Variants in GUCY2F observed in about 807,000 individuals in gnomAD.
The protein encoded by GUCY2F is retinal guanylyl cyclase 2.
GUCY2F carries 61 observed loss-of-function variants against 73.1 expected under a neutral mutation model. The ratio of observed to expected loss-of-function variants is 0.83; its 90% CI spans 0.68 to 1.03. The LOEUF (loss-of-function observed/expected upper bound fraction) is 1.03. Among genes scored for constraint, GUCY2F ranks in the 50% least tolerant of loss-of-function variants. The pLI is 0.00. For missense variants in GUCY2F, 912 were observed against 854.3 expected (o/e 1.07, Z -0.84); for synonymous variants, 331 against 307.8 (o/e 1.08, Z -0.79).
chrX:109,385,342 G>A, intron 15 of GUCY2F, 60 bp from the exon 16 acceptor site: 3 of 566,783 alleles, frequency 5.3e-6, no homozygotes, highest in Non-Finnish European at 5.9e-6. Context: ...TGCTAATAGA[G>A]GAATAGTGCA....
Position 109,440,560 on chromosome X carries a change from T to C in GUCY2F, c.1701+791A>G, listed in dbSNP as rs779206141. 4.0e-4 allele frequency among the ~76,000 whole-genome samples: 45 copies of C among 112,374 alleles called. 1 individual carries two copies. The highest frequency in any genetic ancestry group is 1.3e-3 in the African/African-American group (40 of 30,974). On this transcript the variant is annotated intron_variant, in intron 7 of 19. Coordinates refer to ENST00000218006, the MANE Select transcript of GUCY2F (RefSeq NM_001522.3). Reference sequence around the variant, plus strand: ...TTTTGGACTTTCTTTGTAGTTACTGTTAAGTTGAGAGTGTTTGCTGCTCTT... The same window carrying C: ...TTTTGGACTTTCTTTGTAGTTACTGCTAAGTTGAGAGTGTTTGCTGCTCTT...
chrX:109,470,986 T>C (rs1247971922), intron 2 of GUCY2F, among the ~76,000 whole-genome samples: 1 of 112,240 alleles, frequency 8.9e-6, no homozygotes, highest in Non-Finnish European at 1.9e-5. Context: ...ACAAAGCCCT[T>C]GAAAAATTAC....
At chrX:109,439,529 G>A (rs999880318) in intron 7 of GUCY2F, among the ~76,000 whole-genome samples, 2 of 107,446 alleles carry the variant, frequency 1.9e-5, no homozygotes, top group Non-Finnish European at 1.9e-5. Context: ...TGTATGTTCC[G>A]ATTCCCTTGT....
At chrX:109,481,515 C>T (rs1182582430) in intron 1 of GUCY2F, among the ~76,000 whole-genome samples, 1 of 111,920 alleles carries the variant, frequency 8.9e-6, no homozygotes, top group East Asian at 2.8e-4. Context: ...CTCATACCAG[C>T]TTGTCAAGCC....
rs187724198 is a variant in GUCY2F, at chrX:109,399,323, G to A, written c.2126-625C>T. 5.9e-4 allele frequency among the ~76,000 whole-genome samples: 66 copies of A among 112,486 alleles called. No individual in the cohort carries two copies. The East Asian group carries it at 0.016, about 28-fold the overall frequency. On this transcript the variant is annotated intron_variant, in intron 10 of 19. Coordinates refer to ENST00000218006, the MANE Select transcript of GUCY2F (RefSeq NM_001522.3). ...ACTTGAGGAGTTCACAGACCAGTCG[G>A]AAACACAGACATATGCACCCCTAAC... is the stretch of plus-strand genomic sequence containing the variant.
At position 109,376,150 on chromosome X, in the gene GUCY2F, T is replaced by G; in HGVS notation, c.3168A>C (p.Glu1056Asp). The G allele has an allele frequency of 8.4e-7, 1 of 1,190,374 alleles. No individual in the cohort carries two copies. Among genetic ancestry groups the G allele is most frequent in the Non-Finnish European group, 1.1e-6 (1 of 875,975 alleles). The change falls in exon 18 of 20, where the codon GAA (glutamate) becomes GAC (aspartate). Residue 1056 changes from glutamate to aspartate, a missense_variant. Physicochemically the swap from Glu to Asp is conservative, Grantham distance 45. Coordinates refer to ENST00000218006, the MANE Select transcript of GUCY2F (RefSeq NM_001522.3). ...RTELKGKGTE[E>D]TFWLIGKKGF... ...CTTTTTTCCCAATCAGCCAGAAGGTTTCCTCTGTGCCTTTGCCCTTATTAT... is the reference window on the plus strand; with the variant it reads ...CTTTTTTCCCAATCAGCCAGAAGGTGTCCTCTGTGCCTTTGCCCTTATTAT...
intron 17 of GUCY2F, among the ~76,000 whole-genome samples, chrX:109,378,104 A>G (rs1930218742): frequency 8.9e-6 from 1 of 111,913 alleles, no homozygotes. Flanking sequence ...GATCCCCCAT[A>G]TAAGAGCATC....
At chrX:109,474,354 T>TA (rs781318064) in intron 2 of GUCY2F, among the ~76,000 whole-genome samples, 113 of 111,268 alleles carry the variant, frequency 1.0e-3, no homozygotes, top group South Asian at 1.9e-3. Context: ...AAATGGAGGT[T>TA]AAAAAATTGG....
intron 10 of GUCY2F, among the ~76,000 whole-genome samples, chrX:109,399,884 T>C (rs1162111507): frequency 9.5e-6 from 1 of 105,064 alleles, no homozygotes; most frequent in Non-Finnish European, 1.9e-5. Context: ...GGATGCCGGG[T>C]GGTGGTAAGC....
chrX:109,380,146 A>G (rs1930268144), intron 17 of GUCY2F, among the ~76,000 whole-genome samples: 1 of 112,270 alleles, frequency 8.9e-6, no homozygotes, highest in Admixed American at 9.4e-5. Context: ...TTCAAACATC[A>G]GTCAGCTGGA....
At chrX:109,409,253 C>A in intron 8 of GUCY2F, 85 bp from the exon 9 acceptor site, 1 of 497,575 alleles carries the variant, frequency 2.0e-6, no homozygotes, top group Non-Finnish European at 3.5e-6. Context: ...CTTCTCTTGA[C>A]CCTTCTTATG....
chrX:109,457,841 A>C (rs1932289643), intron 3 of GUCY2F, among the ~76,000 whole-genome samples: 1 of 111,999 alleles, frequency 8.9e-6, no homozygotes, highest in African/African-American at 3.2e-5. Context: ...ATAACTGTAC[A>C]TTTGGAAAAA....
chrX:109,399,411 G>C (rs1930786943), intron 10 of GUCY2F, among the ~76,000 whole-genome samples: 1 of 112,307 alleles, frequency 8.9e-6, no homozygotes, highest in Admixed American at 9.4e-5. Context: ...ATCCATTAAA[G>C]GTCAAAGTTA....
chrX:109,476,020 G>T lies in GUCY2F; in HGVS notation c.-84C>A. On this transcript the variant is annotated splice_region_variant and 5_prime_UTR_variant, in exon 2 of 20. Transcript: ENST00000218006. ...GACACAGACGGTGGTGTTTCCAAAT[G>T]CCTGTCAATCAGAGGAAAAGGTTTG... 1 of 864,478 alleles carries T rather than the reference G, an allele frequency of 1.2e-6. No homozygotes were observed. The highest frequency in any genetic ancestry group is 1.6e-6 in the Non-Finnish European group (1 of 626,399). 71.2% of individuals were successfully genotyped at this position (864,478 alleles called of 1,213,427 possible). A position where few individuals can be genotyped will look rare whatever the true frequency, so the allele number is the denominator to read the frequency against.
intron 9 of GUCY2F, 73 bp downstream of exon 9, chrX:109,408,919 A>G (rs1931036997): frequency 1.8e-6 from 1 of 555,098 alleles, no homozygotes; most frequent in African/African-American, 2.3e-5. Flanking sequence ...ATCTGAGGAA[A>G]ATAAAATATC....
At chrX:109,381,602 G>A (rs1313058274) in intron 17 of GUCY2F, among the ~76,000 whole-genome samples, 2 of 112,172 alleles carry the variant, frequency 1.8e-5, no homozygotes, top group African/African-American at 3.2e-5. Flanking sequence ...GCTACAAAAT[G>A]TTTGCCTTTC....
intron 17 of GUCY2F, among the ~76,000 whole-genome samples, chrX:109,380,330 G>A (rs1267480562): frequency 9.0e-6 from 1 of 111,369 alleles, no homozygotes; most frequent in East Asian, 2.9e-4. Context: ...GTCTTATTGG[G>A]GGTATATTGC....
At chrX:109,441,922 G>C (rs1274725001) in intron 6 of GUCY2F, among the ~76,000 whole-genome samples, 4 of 111,918 alleles carry the variant, frequency 3.6e-5, no homozygotes, top group Non-Finnish European at 7.5e-5. Flanking sequence ...ACCTAGGACA[G>C]CATCCCACCT....
At chrX:109,388,259 A>G (rs1228551888) in intron 15 of GUCY2F, among the ~76,000 whole-genome samples, 10 of 111,751 alleles carry the variant, frequency 8.9e-5, no homozygotes. Flanking sequence ...CCTCTAACCA[A>G]AATGGTAGAT....
Sources: gnomAD v4.1 joint callset for allele counts (sites outside exome capture counted in the v4.1 genomes callset) on GRCh38, gnomAD v4.1.1 for gene constraint, MANE v1.5 for transcripts, NCBI Gene and HGNC (gene_info 2026-07-23, HGNC 2026-07-21) for gene names.